The following KAT14 variants were observed in gnomAD, a reference collection of about 807,000 sequenced individuals.
KAT14 encodes the protein cysteine-rich protein 2-binding protein.
In KAT14, 66 loss-of-function variants were observed where a neutral mutation model predicts 78.4. The observed-to-expected ratio is 0.84, with a 90% CI of 0.69 to 1.03. The LOEUF (loss-of-function observed/expected upper bound fraction) is 1.03. KAT14 is among the 50% of genes least tolerant of loss of function. KAT14 has a pLI of 0.00. For missense variants in KAT14, 870 were observed against 972.5 expected (o/e 0.89, Z 1.40); for synonymous variants, 344 against 359.4 (o/e 0.96, Z 0.48).
intron 1 of KAT14, among the ~76,000 whole-genome samples, chr20:18,141,621 A>C (rs1185201098): frequency 6.6e-6 from 1 of 152,240 alleles, no homozygotes; most frequent in Non-Finnish European, 1.5e-5. Context: ...GCAGTGGCTC[A>C]CGCCTGTAAT....
In KAT14 at chr20:18,159,216, G is replaced by A. The variant is rs774630629; in HGVS notation, c.633G>A (p.Thr211=). Residue 211 remains threonine (T), a synonymous_variant, in exon 5 of 11, where the codon ACG becomes ACA. Coordinates refer to ENST00000688188, the MANE Select transcript of KAT14 (RefSeq NM_001392073.1). ...AACTTGTTCATAACAAGCCCCCAAC[G>A]ATGAAACCTGAAGGAGAGAAGTTGT... is the stretch of plus-strand genomic sequence containing the variant. ...WWKLVHNKPP[T]MKPEGEKLSA... The A allele has an allele frequency of 1.4e-5, 22 of 1,613,918 alleles. No individual in the cohort carries two copies. The highest frequency in any genetic ancestry group is 1.2e-4 in the South Asian group (11 of 91,062).
intron 7 of KAT14, among the ~76,000 whole-genome samples, chr20:18,171,208 G>A (rs994103161): frequency 4.5e-4 from 68 of 152,258 alleles, no homozygotes; most frequent in African/African-American, 1.4e-3. Flanking sequence ...ACTTTTGAGG[G>A]GTTCAAGACT....
At chr20:18,151,527 T>C (rs1455614963) in intron 4 of KAT14, among the ~76,000 whole-genome samples, 1 of 151,360 alleles carries the variant, frequency 6.6e-6, no homozygotes, top group Non-Finnish European at 1.5e-5. Context: ...GGGTCTCGTG[T>C]TGTCTCAGGC....
At chr20:18,174,257 C>T (rs2038955646) in intron 7 of KAT14, among the ~76,000 whole-genome samples, 1 of 152,324 alleles carries the variant, frequency 6.6e-6, no homozygotes, top group African/African-American at 2.4e-5. Flanking sequence ...TGACTATGAA[C>T]ATAAATACTG....
At chr20:18,179,978 C>T (rs1014246613) in intron 7 of KAT14, among the ~76,000 whole-genome samples, 1 of 152,082 alleles carries the variant, frequency 6.6e-6, no homozygotes, top group Non-Finnish European at 1.5e-5. Context: ...AAGTGATTCT[C>T]CTGCCTCAGC....
At chr20:18,144,620 G>C (rs1305587019) in intron 2 of KAT14, among the ~76,000 whole-genome samples, 2 of 152,034 alleles carry the variant, frequency 1.3e-5, no homozygotes, top group African/African-American at 2.4e-5. Context: ...CATTCCTTAT[G>C]TGTCACAGAG....
chr20:18,182,063 G>T (rs991725316), intron 8 of KAT14, among the ~76,000 whole-genome samples: 2 of 151,874 alleles, frequency 1.3e-5, no homozygotes, highest in Non-Finnish European at 2.9e-5. Context: ...AACTTAAAAA[G>T]CAAAAATAAA....
Position 18,183,192 on chromosome 20 carries a change from C to A in KAT14, c.1875C>A (p.Ser625Arg), listed in dbSNP as rs753838675. ...LSQIRSHLHRSDPHWTPEPDA... is the reference protein window; with the variant it reads ...LSQIRSHLHRRDPHWTPEPDA... ...AGATTCGTTCCCACCTGCACAGGAG[C>A]GACCCTCACTGGACGCCGGAGCCCG... Residue 625 changes from serine to arginine, a missense_variant, in exon 9 of 11, where the codon AGC (serine) becomes AGA (arginine). Coordinates refer to ENST00000688188, the MANE Select transcript of KAT14 (RefSeq NM_001392073.1). 2.5e-6 allele frequency: 4 copies of A among 1,613,958 alleles called. No homozygotes were observed. In the African/African-American group the frequency reaches 4.0e-5, roughly 16 times the overall value.
At chr20:18,174,231 G>C (rs530196791) in intron 7 of KAT14, among the ~76,000 whole-genome samples, 40 of 152,286 alleles carry the variant, frequency 2.6e-4, no homozygotes, top group African/African-American at 9.4e-4. Flanking sequence ...TGGACTTTTG[G>C]GTTGTTTCTA....
chr20:18,141,033 TTTTTTTTTTTTTTATTTTTA>T (rs1212022502), intron 1 of KAT14, among the ~76,000 whole-genome samples: 43 of 18,372 alleles, frequency 2.3e-3, no homozygotes, highest in African/African-American at 5.2e-3. Context: ...ATTTTTTTTT[TTTTTTTTTTTTTTATTTTTA>T]TTTTTGCTAG....
chr20:18,167,963 T>C (rs1201886790), intron 7 of KAT14, among the ~76,000 whole-genome samples: 1 of 152,160 alleles, frequency 6.6e-6, no homozygotes, highest in Non-Finnish European at 1.5e-5. Context: ...GACATAAATC[T>C]TTACTAAATT....
At chr20:18,178,573 C>G (rs1237094087) in intron 7 of KAT14, among the ~76,000 whole-genome samples, 1 of 152,044 alleles carries the variant, frequency 6.6e-6, no homozygotes, top group African/African-American at 2.4e-5. Context: ...AAGTGGAAAC[C>G]CCTGATAAAA....
In KAT14 at chr20:18,187,447, G is replaced by A; in HGVS notation, c.2334G>A (p.Arg778=). The change falls in exon 11 of 11, where the codon AGG becomes AGA. Residue 778 remains arginine (R), a synonymous_variant. Coordinates refer to ENST00000688188, the MANE Select transcript of KAT14 (RefSeq NM_001392073.1). ...AGTGTAAACACGCATTCTTTCTGAG[G>A]CTCCGGCGCTGATGCGAATACAGCT... ...STECKHAFFL[R]LRR The A allele has an allele frequency of 6.2e-7, 1 of 1,614,032 alleles. No individual in the cohort carries two copies. The highest frequency in any genetic ancestry group is 8.5e-7 in the Non-Finnish European group (1 of 1,179,988).
chr20:18,142,578 C>G lies in KAT14; in HGVS notation c.-83C>G. 1 of 1,569,856 alleles carries G rather than the reference C, an allele frequency of 6.4e-7. No individual in the cohort carries two copies. Among genetic ancestry groups the G allele is most frequent in the Non-Finnish European group, 8.6e-7 (1 of 1,156,140 alleles). The stretch of plus-strand genomic sequence containing the variant: ...TTTTGGAAGAGTCTGTCTGGGTGAT[C>G]CTGGTAGAAGCCCCATTAGGGTCAC... On this transcript the variant is annotated 5_prime_UTR_variant, in exon 2 of 11. It adds an upstream start codon to the 5' untranslated region. Transcript: ENST00000688188.
chr20:18,178,420 A>T (rs2039124117), intron 7 of KAT14, among the ~76,000 whole-genome samples: 2 of 152,148 alleles, frequency 1.3e-5, no homozygotes, highest in Non-Finnish European at 2.9e-5. Flanking sequence ...CATGCTGCTG[A>T]TAAAGACATA....
intron 3 of KAT14, among the ~76,000 whole-genome samples, chr20:18,145,573 G>T (rs1039234068): frequency 6.6e-6 from 1 of 152,136 alleles, no homozygotes; most frequent in African/African-American, 2.4e-5. Context: ...CTGAGGTCAG[G>T]ACTTCGAGAC....
At chr20:18,145,620 A>C (rs1486466950) in intron 3 of KAT14, among the ~76,000 whole-genome samples, 2 of 152,174 alleles carry the variant, frequency 1.3e-5, no homozygotes, top group African/African-American at 4.8e-5. Flanking sequence ...ATTTCCATTG[A>C]AAATACAAAA....
intron 7 of KAT14, among the ~76,000 whole-genome samples, chr20:18,165,033 T>C (rs1048723716): frequency 3.3e-5 from 5 of 152,188 alleles, no homozygotes; most frequent in Non-Finnish European, 7.3e-5. Flanking sequence ...CATAGAAATA[T>C]GGTATAATTT....
At chr20:18,160,075 A>G (rs2052611240) in intron 5 of KAT14, among the ~76,000 whole-genome samples, 2 of 152,032 alleles carry the variant, frequency 1.3e-5, no homozygotes, top group Non-Finnish European at 2.9e-5. Context: ...ATATTTTTGT[A>G]TTTTTATTAC....
Sources: allele counts gnomAD v4.1 joint callset (sites outside exome capture counted in the v4.1 genomes callset), GRCh38; gene constraint gnomAD v4.1.1; transcripts MANE v1.5; gene names NCBI Gene and HGNC (gene_info 2026-07-23, HGNC 2026-07-21).